The following ROBO2 variants were observed in gnomAD, a reference collection of about 807,000 sequenced individuals.
ROBO2 encodes the protein roundabout guidance receptor 2.
ROBO2 carries 53 observed loss-of-function variants against 160.8 expected under a neutral mutation model. The observed-to-expected ratio is 0.33, with a 90% CI of 0.26 to 0.41. The LOEUF (loss-of-function observed/expected upper bound fraction) is 0.41, where lower values mean the gene tolerates loss of function less well. Ranked by LOEUF, ROBO2 falls within the 10% of genes least tolerant of loss-of-function variation. ROBO2 has a pLI of 1.00. For synonymous variants in ROBO2, 664 were observed against 611.7 expected (o/e 1.09, Z -1.26); for missense variants, 1,577 against 1,722.4 (o/e 0.92, Z 1.49).
intron 2 of ROBO2, among the ~76,000 whole-genome samples, chr3:76,889,748 T>C (rs2074194460): frequency 6.6e-6 from 1 of 152,238 alleles, no homozygotes; most frequent in Non-Finnish European, 1.5e-5. Flanking sequence ...TACATAGTGA[T>C]AATTTTATAA....
At chr3:77,226,817 T>C (rs942714155) in intron 2 of ROBO2, among the ~76,000 whole-genome samples, 4 of 152,166 alleles carry the variant, frequency 2.6e-5, no homozygotes, top group African/African-American at 7.2e-5. Context: ...TACCAAATAC[T>C]GTACTGGAAA....
chr3:76,380,767 T>G (rs1362344518), intron 2 of ROBO2, among the ~76,000 whole-genome samples: 3 of 152,138 alleles, frequency 2.0e-5, no homozygotes, highest in Non-Finnish European at 4.4e-5. Flanking sequence ...CTAACCCCCA[T>G]GTTGTTCAAG....
At chr3:76,555,392 AG>A (rs1560141044) in intron 2 of ROBO2, among the ~76,000 whole-genome samples, 2 of 72,504 alleles carry the variant, frequency 2.8e-5, no homozygotes, top group African/African-American at 5.7e-5. Flanking sequence ...AAGAAGAAGA[AG>A]AAGAAGAAGA....
intron 2 of ROBO2, among the ~76,000 whole-genome samples, chr3:76,156,685 T>C (rs1269211363): frequency 6.6e-6 from 1 of 152,188 alleles, no homozygotes; most frequent in East Asian, 1.9e-4. Flanking sequence ...GAAGAAACAG[T>C]TGCTGGGCGC....
chr3:77,000,822 C>T (rs2061298896), intron 2 of ROBO2, among the ~76,000 whole-genome samples: 1 of 152,140 alleles, frequency 6.6e-6, no homozygotes, highest in Admixed American at 6.6e-5. Context: ...ATACCTTTCA[C>T]ATCTAAAGTG....
At chr3:76,892,738 A>G (rs959308391) in intron 2 of ROBO2, among the ~76,000 whole-genome samples, 3 of 152,200 alleles carry the variant, frequency 2.0e-5, no homozygotes, top group Non-Finnish European at 4.4e-5. Context: ...TTCATTTTAG[A>G]TTCATAACCA....
At chr3:76,841,932 A>G (rs539102502) in intron 2 of ROBO2, among the ~76,000 whole-genome samples, 4 of 152,324 alleles carry the variant, frequency 2.6e-5, no homozygotes, top group African/African-American at 9.6e-5. Context: ...GTCAACAGGG[A>G]GACCAGCATA....
At chr3:77,173,747 T>G (rs538053563) in intron 2 of ROBO2, among the ~76,000 whole-genome samples, 1 of 152,242 alleles carries the variant, frequency 6.6e-6, no homozygotes, top group South Asian at 2.1e-4. Flanking sequence ...TCTAATCAGT[T>G]AGTGCATATC....
At chr3:77,363,605 C>T (rs754576046) in intron 2 of ROBO2, among the ~76,000 whole-genome samples, 12 of 152,072 alleles carry the variant, frequency 7.9e-5, no homozygotes, top group African/African-American at 1.7e-4. Context: ...TCTAGAAATG[C>T]GACTGGACAA....
At chr3:77,076,106 T>C (rs1477197885) in intron 1 of ROBO2, among the ~76,000 whole-genome samples, 2 of 152,190 alleles carry the variant, frequency 1.3e-5, no homozygotes, top group Admixed American at 6.5e-5. Flanking sequence ...ATATTAATAG[T>C]TTAAAACAGT....
intron 2 of ROBO2, among the ~76,000 whole-genome samples, chr3:75,993,523 G>C (rs1291599690): frequency 1.3e-5 from 2 of 152,080 alleles, no homozygotes; most frequent in Non-Finnish European, 2.9e-5. Flanking sequence ...GTCTTTATTA[G>C]AAGCAAGAAA....
chr3:76,247,342 C>T (rs577790611), intron 2 of ROBO2, among the ~76,000 whole-genome samples: 48 of 152,282 alleles, frequency 3.2e-4, no homozygotes, highest in Non-Finnish European at 2.8e-4. Context: ...AACCTCCCCA[C>T]ATGCATTCTT....
chr3:76,087,319 G>A (rs571997063), intron 2 of ROBO2, among the ~76,000 whole-genome samples: 1 of 151,962 alleles, frequency 6.6e-6, no homozygotes, highest in African/African-American at 2.4e-5. Context: ...TATTATATCT[G>A]ACTTCCTTTC....
intron 2 of ROBO2, among the ~76,000 whole-genome samples, chr3:76,141,702 G>A (rs1399391993): frequency 6.6e-6 from 1 of 151,924 alleles, no homozygotes; most frequent in East Asian, 1.9e-4. Flanking sequence ...GATCCATGTG[G>A]CTAAATAAGT....
chr3:76,777,058 T>A (rs1416160849), intron 2 of ROBO2, among the ~76,000 whole-genome samples: 3 of 151,020 alleles, frequency 2.0e-5, no homozygotes, highest in Non-Finnish European at 3.0e-5. Context: ...TAATGTGAAA[T>A]GAAGTTTGAT....
chr3:76,925,052 C>T (rs1183776448), intron 2 of ROBO2, among the ~76,000 whole-genome samples: 4 of 151,100 alleles, frequency 2.6e-5, no homozygotes, highest in African/African-American at 9.7e-5. Context: ...ACTAAAAATA[C>T]AAAAAATTAG....
At chr3:75,969,175 TATA>T (rs1171839085) in intron 2 of ROBO2, among the ~76,000 whole-genome samples, 1 of 148,594 alleles carries the variant, frequency 6.7e-6, no homozygotes, top group Non-Finnish European at 1.5e-5. Flanking sequence ...TTTATAAGAT[TATA>T]ATATGATATA....
chr3:77,335,331 C>T (rs905327292), intron 2 of ROBO2, among the ~76,000 whole-genome samples: 3 of 152,064 alleles, frequency 2.0e-5, no homozygotes, highest in African/African-American at 7.2e-5. Flanking sequence ...CGCTTGAACC[C>T]GGGAGGTGGA....
intron 2 of ROBO2, among the ~76,000 whole-genome samples, chr3:76,265,525 GA>G (rs1707044469): frequency 6.6e-6 from 1 of 152,126 alleles, no homozygotes; most frequent in African/African-American, 2.4e-5. Flanking sequence ...GACGGTGTCA[GA>G]AAAATCACTC....
Sources: gnomAD v4.1 joint callset for allele counts (sites outside exome capture counted in the v4.1 genomes callset) on GRCh38, gnomAD v4.1.1 for gene constraint, MANE v1.5 for transcripts, NCBI Gene and HGNC (gene_info 2026-07-23, HGNC 2026-07-21) for gene names.